Variants in KCNQ1 observed in about 807,000 individuals in gnomAD.
KCNQ1 encodes the protein potassium voltage-gated channel subfamily Q member 1, also known as potassium voltage-gated channel subfamily KQT member 1.
Under a neutral mutation model 72.4 loss-of-function variants are expected in KCNQ1, and 49 were observed. The observed-to-expected ratio is 0.68, with a 90% CI of 0.54 to 0.86. KCNQ1 has a LOEUF of 0.86. Ranked by LOEUF, KCNQ1 falls within the 40% of genes least tolerant of loss-of-function variation. The pLI, the probability that KCNQ1 is intolerant of heterozygous loss-of-function variation, is 0.00. For synonymous variants in KCNQ1, 450 were observed against 412.6 expected, an observed-to-expected ratio of 1.09 and a Z score of -1.10; for missense variants, 790 against 945.1, an observed-to-expected ratio of 0.84 and a Z score of 2.15.
At position 2,678,076 on chromosome 11, in the gene KCNQ1, T is replaced by A. The variant is rs1031901408; in HGVS notation, c.1514+15995T>A. 2.5e-5 allele frequency: 10 copies of A among 398,366 alleles called. No homozygotes were observed. The highest frequency in any genetic ancestry group is 8.8e-5 in the Admixed American group (2 of 22,720). 24.7% of individuals were successfully genotyped at this position (398,366 alleles called of 1,614,324 possible). A position where few individuals can be genotyped will look rare whatever the true frequency, so the allele number is the denominator to read the frequency against. ...TACCCTTTGGACTTTGTAAAATACC[T>A]TGTCTTACTGATTTGTAGAAACTTG... On this transcript the variant is annotated intron_variant, in intron 11 of 15. Transcript: ENST00000155840. This position sits in a 1 kb window ranked among gnomAD's most constrained non-coding sequence, Gnocchi z 4.9.
At chr11:2,460,764 A>G (rs1435331218) in intron 1 of KCNQ1, among the ~76,000 whole-genome samples, 3 of 152,160 alleles carry the variant, frequency 2.0e-5, no homozygotes, top group African/African-American at 7.2e-5. Flanking sequence ...CCCTTATGAG[A>G]GGGTGGTAGG....
At chr11:2,609,447 C>G (rs970849104) in intron 10 of KCNQ1, 3 of 398,238 alleles carry the variant, frequency 7.5e-6, no homozygotes, top group African/African-American at 6.2e-5. Context: ...AGCATATGGT[C>G]CTTCTTGGAG....
Position 2,677,115 on chromosome 11 carries a change from T to C in KCNQ1, c.1514+15034T>C. On this transcript the variant is annotated intron_variant, in intron 11 of 15. Coordinates refer to ENST00000155840, the MANE Select transcript of KCNQ1 (RefSeq NM_000218.3). This position sits in a 1 kb window ranked among gnomAD's most constrained non-coding sequence, Gnocchi z 4.5. ...CTGAAATGACCACTTATGAAATTAG[T>C]TTCCCTGAAACATCCCTCCCTATTG... is the stretch of plus-strand genomic sequence containing the variant. The C allele has an allele frequency of 2.5e-6, 1 of 398,632 alleles. No individual in the cohort carries two copies. The highest frequency in any genetic ancestry group is 1.3e-4 in the South Asian group (1 of 7,862). 24.7% of individuals were successfully genotyped at this position (398,632 alleles called of 1,614,324 possible).
rs36157752 is a variant in KCNQ1 at position 2,458,633 on chromosome 11, C to CTGGATGGA, written c.386+13195_386+13202dup. On this transcript the variant is annotated intron_variant, in intron 1 of 15. Transcript: ENST00000155840. The surrounding 1 kb of genome is among the most constrained non-coding windows in gnomAD (Gnocchi z 4.6). Reference sequence around the variant, plus strand: ...GCTCCCATCCACAATGCTTCCTTGCCTGGATGGATGGATGGATGGATGGAT... The same window carrying CTGGATGGA: ...GCTCCCATCCACAATGCTTCCTTGCCTGGATGGATGGATGGATGGATGGATGGATGGAT... Among the ~76,000 whole-genome samples the CTGGATGGA allele has an allele frequency of 0.054, 8,040 of 149,890 alleles. 271 individuals carry two copies. Among genetic ancestry groups the CTGGATGGA allele is most frequent in the Non-Finnish European group, 0.061 (4,107 of 67,112 alleles).
At position 2,653,724 on chromosome 11, in the gene KCNQ1, G is replaced by A; in HGVS notation, c.1394-8237G>A. ...CGAGGTCATCTCTTCCAGGATTCCT[G>A]CCAGAATCTAAGGCCAGGTTCTTAT... On this transcript the variant is annotated intron_variant, in intron 10 of 15. Transcript: ENST00000155840. This position sits in a 1 kb window ranked among gnomAD's most constrained non-coding sequence, Gnocchi z 5.3. 2.5e-6 allele frequency: 1 copy of A among 398,654 alleles called. No individual in the cohort carries two copies. Among genetic ancestry groups the A allele is most frequent in the Non-Finnish European group, 4.4e-6 (1 of 226,072 alleles). The allele number at this position is 398,654 out of a possible 1,614,324, so 24.7% of individuals were successfully genotyped here. A position where few individuals can be genotyped will look rare whatever the true frequency, so the allele number is the denominator to read the frequency against.
chr11:2,668,397 A>G lies in KCNQ1; in HGVS notation c.1514+6316A>G, dbSNP rs148626261. The G allele has an allele frequency of 2.0e-3, 806 of 398,586 alleles. 6 individuals are homozygous for G. The highest frequency in any genetic ancestry group is 0.015 in the African/African-American group (738 of 48,726). The allele number at this position is 398,586 out of a possible 1,614,324, so 24.7% of individuals were successfully genotyped here. A position where few individuals can be genotyped will look rare whatever the true frequency, so the allele number is the denominator to read the frequency against. The stretch of plus-strand genomic sequence containing the variant: ...ATACTACCCAGCAGTCTACCAAAGG[A>G]GTCATTCCAATTTTCATTCCCACAG... On this transcript the variant is annotated intron_variant, in intron 11 of 15. Coordinates refer to ENST00000155840, the MANE Select transcript of KCNQ1 (RefSeq NM_000218.3). The surrounding 1 kb of genome is among the most constrained non-coding windows in gnomAD (Gnocchi z 4.3).
At position 2,678,702 on chromosome 11, in the gene KCNQ1, CTT is replaced by C. The variant is rs1223006452; in HGVS notation, c.1514+16622_1514+16623del. On this transcript the variant is annotated intron_variant, in intron 11 of 15. Coordinates refer to ENST00000155840, the MANE Select transcript of KCNQ1 (RefSeq NM_000218.3). The surrounding 1 kb of genome is among the most constrained non-coding windows in gnomAD (Gnocchi z 4.9). ...TGGCATGGCCTAAGATCTAAACACTCTTAAGATTTAAACACAGGATTAGCTCT... is the reference window on the plus strand; with the variant it reads ...TGGCATGGCCTAAGATCTAAACACTCAAGATTTAAACACAGGATTAGCTCT... The C allele has an allele frequency of 2.5e-6, 1 of 398,482 alleles. No individual in the cohort carries two copies. The highest frequency in any genetic ancestry group is 4.4e-6 in the Non-Finnish European group (1 of 226,076). 24.7% of individuals were successfully genotyped at this position (398,482 alleles called of 1,614,324 possible). A position where few individuals can be genotyped will look rare whatever the true frequency, so the allele number is the denominator to read the frequency against.
In KCNQ1 at chr11:2,695,709, C is replaced by T. The variant is rs537815156; in HGVS notation, c.1514+33628C>T. On this transcript the variant is annotated intron_variant, in intron 11 of 15. Coordinates refer to ENST00000155840, the MANE Select transcript of KCNQ1 (RefSeq NM_000218.3). The surrounding 1 kb of genome is among the most constrained non-coding windows in gnomAD (Gnocchi z 5.2). ...TCTTCAGAACGTCTGTGCCTGTCTCCGTCCCCACCTGCAGCACACAGGGAG... is the reference window on the plus strand; with the variant it reads ...TCTTCAGAACGTCTGTGCCTGTCTCTGTCCCCACCTGCAGCACACAGGGAG... The T allele has an allele frequency of 6.3e-5, 25 of 398,648 alleles. 1 individual carries two copies. Among genetic ancestry groups the T allele is most frequent in the Non-Finnish European group, 8.8e-5 (20 of 226,080 alleles). The allele number at this position is 398,648 out of a possible 1,614,324, so 24.7% of individuals were successfully genotyped here.
intron 1 of KCNQ1, among the ~76,000 whole-genome samples, chr11:2,511,595 C>T (rs1847205398): frequency 1.3e-5 from 2 of 152,230 alleles, no homozygotes; most frequent in African/African-American, 2.4e-5. Context: ...CAGAGCTGGG[C>T]TCCTGTTGGG....
At position 2,570,811 on chromosome 11, in the gene KCNQ1, C is replaced by T; in HGVS notation, c.604+57C>T. ...CCAGGTTTCCAGACCAGGAAGGACC[C>T]CCACCTCATGACCCCTACCAGATGG... On this transcript the variant is annotated intron_variant, in intron 3 of 15. Coordinates refer to ENST00000155840, the MANE Select transcript of KCNQ1 (RefSeq NM_000218.3). 1.9e-6 allele frequency: 3 copies of T among 1,600,940 alleles called. No homozygotes were observed. In the South Asian group the frequency reaches 3.3e-5, roughly 18 times the overall value.
At chr11:2,842,882 G>A (rs1848242951) in intron 15 of KCNQ1, among the ~76,000 whole-genome samples, 1 of 152,230 alleles carries the variant, frequency 6.6e-6, no homozygotes. Context: ...TGGGGAAGGT[G>A]CTACAGCTGC....
intron 10 of KCNQ1, chr11:2,630,682 ACTT>A: frequency 5.0e-6 from 2 of 398,368 alleles, no homozygotes; most frequent in Non-Finnish European, 8.9e-6. Flanking sequence ...TGAATTTTGT[ACTT>A]TCATATGTTT....
intron 8 of KCNQ1, 72 bp from the exon 9 acceptor site, chr11:2,587,498 A>G (rs1381689800): frequency 3.1e-6 from 5 of 1,603,072 alleles, no homozygotes. Context: ...AGGGAGGGGG[A>G]GCTGTAGCTT....
At position 2,445,069 on chromosome 11, in the gene KCNQ1, G is replaced by C; in HGVS notation, c.-30G>C. The C allele has an allele frequency of 9.5e-7, 1 of 1,056,514 alleles. No homozygotes were observed. Among genetic ancestry groups the C allele is most frequent in the Non-Finnish European group, 1.1e-6 (1 of 876,430 alleles). The allele number at this position is 1,056,514 out of a possible 1,614,324, so 65.4% of individuals were successfully genotyped here. A position where few individuals can be genotyped will look rare whatever the true frequency, so the allele number is the denominator to read the frequency against. On this transcript the variant is annotated 5_prime_UTR_variant, in exon 1 of 16. Transcript: ENST00000155840. ...GCTGCAGCTCCCGGTGCCGCCGCTC[G>C]GGCCGGCCCCCCGGCAGGCCCTCCT...
chr11:2,731,379 G>A (rs231906), intron 11 of KCNQ1, among the ~76,000 whole-genome samples: 89,247 of 152,128 alleles, frequency 0.59, 26,938 homozygotes, highest in Middle Eastern at 0.71. Context: ...TCAGGCCTTG[G>A]TGAGTCTGGC....
At chr11:2,747,133 A>T (rs1478436163) in intron 11 of KCNQ1, among the ~76,000 whole-genome samples, 1 of 152,226 alleles carries the variant, frequency 6.6e-6, no homozygotes, top group African/African-American at 2.4e-5. Context: ...ATGCAAATCT[A>T]ATTAGTCTGG....
rs1374295141 is a variant in KCNQ1, at chr11:2,566,984, T to TG, written c.478-3639dup. On this transcript the variant is annotated intron_variant, in intron 2 of 15. Coordinates refer to ENST00000155840, the MANE Select transcript of KCNQ1 (RefSeq NM_000218.3). This position sits in a 1 kb window ranked among gnomAD's most constrained non-coding sequence, Gnocchi z 6.7. ...GGGTGGGGTAACCTAGGGGGTGGAGTGGGGGAGGGAGAGAGCACTCCTGAC... is the reference window on the plus strand; with the variant it reads ...GGGTGGGGTAACCTAGGGGGTGGAGTGGGGGGAGGGAGAGAGCACTCCTGAC... Among the ~76,000 whole-genome samples, 1 of 28,774 alleles carries TG rather than the reference T, an allele frequency of 3.5e-5. No individual in the cohort carries two copies. Among genetic ancestry groups the TG allele is most frequent in the African/African-American group, 1.1e-4 (1 of 9,338 alleles). 18.9% of individuals were successfully genotyped at this position (28,774 alleles called of 152,430 possible). A position where few individuals can be genotyped will look rare whatever the true frequency, so the allele number is the denominator to read the frequency against.
rs923784096 is a variant in KCNQ1 at position 2,824,612 on chromosome 11, T to C, written c.1795-23155T>C. 7.9e-5 allele frequency among the ~76,000 whole-genome samples: 12 copies of C among 151,908 alleles called. No individual in the cohort carries two copies. The highest frequency in any genetic ancestry group is 8.8e-5 in the Non-Finnish European group (6 of 67,980). Reference sequence around the variant, plus strand: ...CCTGAAGAAGGGGTGTGGATGAGGTTGCCTGGCAAGAGATTGCAGGGAGAG... The same window carrying C: ...CCTGAAGAAGGGGTGTGGATGAGGTCGCCTGGCAAGAGATTGCAGGGAGAG... On this transcript the variant is annotated intron_variant, in intron 15 of 15. Coordinates refer to ENST00000155840, the MANE Select transcript of KCNQ1 (RefSeq NM_000218.3). The surrounding 1 kb of genome is among the most constrained non-coding windows in gnomAD (Gnocchi z 5.9).
chr11:2,826,763 ATG>A lies in KCNQ1; in HGVS notation c.1795-21001_1795-21000del, dbSNP rs1394172715. The stretch of plus-strand genomic sequence containing the variant: ...CCCTGCCTCCACTCAGAATCCCACT[ATG>A]TGCTTGGAGCCATGCTGGGTGCTGG... On this transcript the variant is annotated intron_variant, in intron 15 of 15. Coordinates refer to ENST00000155840, the MANE Select transcript of KCNQ1 (RefSeq NM_000218.3). This position sits in a 1 kb window ranked among gnomAD's most constrained non-coding sequence, Gnocchi z 4.2. 6.6e-6 allele frequency among the ~76,000 whole-genome samples: 1 copy of A among 152,246 alleles called. No individual in the cohort carries two copies. The highest frequency in any genetic ancestry group is 1.9e-4 in the East Asian group (1 of 5,158).
Sources: gnomAD v4.1 joint callset for allele counts (sites outside exome capture counted in the v4.1 genomes callset) on GRCh38, gnomAD v4.1.1 for gene constraint, Gnocchi (gnomAD v3.1) non-coding constraint, MANE v1.5 for transcripts, NCBI Gene and HGNC (gene_info 2026-07-23, HGNC 2026-07-21) for gene names.